Variants in PDE1A observed in about 807,000 individuals in gnomAD.
PDE1A encodes the protein dual specificity calcium/calmodulin-dependent 3',5'-cyclic nucleotide phosphodiesterase 1A.
Under a neutral mutation model 61.7 loss-of-function variants are expected in PDE1A, and 35 were observed. The ratio of observed to expected loss-of-function variants is 0.57; its 90% CI spans 0.43 to 0.75. PDE1A has a LOEUF of 0.75. Ranked by LOEUF, PDE1A falls within the 30% of genes least tolerant of loss-of-function variation. The pLI is 0.00. For missense variants in PDE1A, 597 were observed against 630.6 expected (o/e 0.95, Z 0.57); for synonymous variants, 232 against 213.2 (o/e 1.09, Z -0.77).
intron 2 of PDE1A, among the ~76,000 whole-genome samples, chr2:182,456,852 T>C (rs183319785): frequency 6.6e-6 from 1 of 152,210 alleles, no homozygotes; most frequent in Admixed American, 6.6e-5. Context: ...CCAATTAATA[T>C]AAACAGGTTC....
chr2:182,639,050 G>A, the PDE1A span, among the ~76,000 whole-genome samples: 3 of 152,160 alleles, frequency 2.0e-5, no homozygotes, highest in African/African-American at 7.2e-5. Flanking sequence ...ATTTCAGTAT[G>A]AGAAACAGAA....
intron 13 of PDE1A, among the ~76,000 whole-genome samples, chr2:182,173,955 A>G (rs533488418): frequency 6.6e-6 from 1 of 151,760 alleles, no homozygotes; most frequent in South Asian, 2.1e-4. Context: ...TCAAAAAATC[A>G]ATTTTTACTT....
chr2:182,455,080 T>A (rs1232724189), intron 2 of PDE1A, among the ~76,000 whole-genome samples: 1 of 151,534 alleles, frequency 6.6e-6, no homozygotes, highest in East Asian at 1.9e-4. Flanking sequence ...AACAACCCCA[T>A]CAAAATGTGG....
chr2:182,650,589 G>A, the PDE1A span, among the ~76,000 whole-genome samples: 1 of 152,080 alleles, frequency 6.6e-6, no homozygotes, highest in Non-Finnish European at 1.5e-5. Context: ...TCAAAATTCT[G>A]ATTTCATGTC....
intron 1 of PDE1A, among the ~76,000 whole-genome samples, chr2:182,338,809 G>A (rs1422933837): frequency 3.9e-5 from 6 of 152,070 alleles, no homozygotes; most frequent in Admixed American, 6.6e-5. Flanking sequence ...GGTGTGACCC[G>A]CTGTGCCCAG....
intron 2 of PDE1A, among the ~76,000 whole-genome samples, chr2:182,490,158 G>A (rs1688288228): frequency 6.6e-6 from 1 of 152,194 alleles, no homozygotes; most frequent in South Asian, 2.1e-4. Context: ...GCGAACATTT[G>A]ACTTGGCAAT....
intron 1 of PDE1A, among the ~76,000 whole-genome samples, chr2:182,397,412 T>C (rs1217660083): frequency 6.6e-6 from 1 of 152,134 alleles, no homozygotes; most frequent in Non-Finnish European, 1.5e-5. Flanking sequence ...ATATGACACA[T>C]GATTTCAGAG....
At position 182,188,938 on chromosome 2, in the gene PDE1A, GCA is replaced by G. The variant is rs1308061839; in HGVS notation, c.1207+39_1207+40del. The G allele has an allele frequency of 2.2e-6, 3 of 1,334,168 alleles. No individual in the cohort carries two copies. In the South Asian group the frequency reaches 3.6e-5, roughly 16 times the overall value. The allele number at this position is 1,334,168 out of a possible 1,614,324, so 82.6% of individuals were successfully genotyped here. On this transcript the variant is annotated intron_variant, in intron 11 of 13. Coordinates refer to ENST00000351439, the Ensembl canonical transcript of PDE1A. ...CGTTTACCCATTTGAAAACTGACAAGCACACACTCACTTTCCACCACCACAAA... is the reference window on the plus strand; with the variant it reads ...CGTTTACCCATTTGAAAACTGACAAGCACACTCACTTTCCACCACCACAAA...
Position 182,453,545 on chromosome 2 carries a change from A to G in PDE1A, c.101+68731T>C, listed in dbSNP as rs538555465. On this transcript the variant is annotated intron_variant, in intron 2 of 14. Transcript: ENST00000410103. Reference sequence around the variant, plus strand: ...AAAATACTGGCAAACCGAATCCAGCAGCACATCAAAAAGCTTATCCACCAT... The same window carrying G: ...AAAATACTGGCAAACCGAATCCAGCGGCACATCAAAAAGCTTATCCACCAT... Among the ~76,000 whole-genome samples the G allele has an allele frequency of 3.3e-3, 497 of 152,266 alleles. 5 individuals are homozygous for G. Among genetic ancestry groups the G allele is most frequent in the African/African-American group, 0.012 (478 of 41,560 alleles).
chr2:182,235,357 T>C (rs1002266955), intron 3 of PDE1A, among the ~76,000 whole-genome samples: 4 of 152,210 alleles, frequency 2.6e-5, no homozygotes, highest in Non-Finnish European at 5.9e-5. Context: ...TTGGTCAGGC[T>C]GGTCTCAAAC....
At chr2:182,361,094 G>A (rs1699477112) in intron 1 of PDE1A, among the ~76,000 whole-genome samples, 1 of 152,100 alleles carries the variant, frequency 6.6e-6, no homozygotes, top group Non-Finnish European at 1.5e-5. Context: ...CTAAGGATCA[G>A]AGGTCTGATC....
intron 2 of PDE1A, among the ~76,000 whole-genome samples, chr2:182,443,542 T>A (rs1278929468): frequency 1.3e-5 from 2 of 152,098 alleles, no homozygotes; most frequent in Non-Finnish European, 1.5e-5. Context: ...TGACACTTCC[T>A]CCTTTGCTCT....
At position 182,504,760 on chromosome 2, in the gene PDE1A, T is replaced by C. The variant is rs180714774; in HGVS notation, c.101+17516A>G. ...CTGAAATTTGGTTCACATGATAGAA[T>C]AAATAAAGTCTGAGAACAAAAATTA... On this transcript the variant is annotated intron_variant, in intron 2 of 14. Transcript: ENST00000410103. Among the ~76,000 whole-genome samples, 129 of 152,302 alleles carry C rather than the reference T, an allele frequency of 8.5e-4. 2 individuals carry two copies. Among genetic ancestry groups the C allele is most frequent in the African/African-American group, 3.0e-3 (124 of 41,578 alleles).
At chr2:182,496,407 G>A (rs780883940) in intron 2 of PDE1A, among the ~76,000 whole-genome samples, 3 of 152,100 alleles carry the variant, frequency 2.0e-5, no homozygotes, top group Non-Finnish European at 2.9e-5. Context: ...TTTTCTTAAC[G>A]AAAAGAAGCA....
At chr2:182,436,216 C>T (rs943600146) in intron 2 of PDE1A, among the ~76,000 whole-genome samples, 1 of 152,006 alleles carries the variant, frequency 6.6e-6, no homozygotes, top group Non-Finnish European at 1.5e-5. Context: ...TTTCTCTTTG[C>T]TTCTATGGAA....
intron 5 of PDE1A, 75 bp downstream of exon 5, chr2:182,230,940 C>A: frequency 1.3e-6 from 1 of 754,998 alleles, no homozygotes; most frequent in South Asian, 1.7e-5. Flanking sequence ...CTTAATTACT[C>A]AAATGTTCTG....
At chr2:182,156,659 G>A (rs1235162217) in intron 13 of PDE1A, among the ~76,000 whole-genome samples, 1 of 152,156 alleles carries the variant, frequency 6.6e-6, no homozygotes, top group Non-Finnish European at 1.5e-5. Flanking sequence ...GTGGTAGTAA[G>A]AAGTGTGAGC....
chr2:182,340,002 T>C (rs7422491), intron 1 of PDE1A, among the ~76,000 whole-genome samples: 98,970 of 152,010 alleles, frequency 0.65, 33,807 homozygotes, highest in Middle Eastern at 0.79. Flanking sequence ...AAGCAAGCTC[T>C]TGCTGCGTAG....
chr2:182,646,110 A>C, the PDE1A span, among the ~76,000 whole-genome samples: 1 of 152,128 alleles, frequency 6.6e-6, no homozygotes, highest in Non-Finnish European at 1.5e-5. Flanking sequence ...TCTTTTACAG[A>C]GTTAGATGGA....
Sources: allele counts gnomAD v4.1 joint callset (sites outside exome capture counted in the v4.1 genomes callset), GRCh38; gene constraint gnomAD v4.1.1; transcripts MANE v1.5; gene names NCBI Gene and HGNC (gene_info 2026-07-23, HGNC 2026-07-21).